Variants in LAMC2 observed in about 807,000 individuals in gnomAD.
LAMC2 encodes laminin subunit gamma-2.
A neutral mutation model predicts 140.2 loss-of-function variants in LAMC2; 97 were observed. The ratio of observed to expected loss-of-function variants is 0.69; its 90% CI spans 0.59 to 0.82. The LOEUF (loss-of-function observed/expected upper bound fraction) is 0.82, where lower values mean the gene tolerates loss of function less well. Among genes scored for constraint, LAMC2 ranks in the 40% least tolerant of loss-of-function variants. The pLI is 0.00. For missense variants in LAMC2, 1,402 were observed against 1,476.1 expected (o/e 0.95, Z 0.82); for synonymous variants, 513 against 540.2 (o/e 0.95, Z 0.70).
At chr1:183,254,342 G>A in the LAMC2 span, among the ~76,000 whole-genome samples, 5 of 152,188 alleles carry the variant, frequency 3.3e-5, no homozygotes, top group Non-Finnish European at 7.4e-5. Context: ...GATTAGTAAT[G>A]TTGCGCATCT....
At chr1:183,254,202 C>CA in the LAMC2 span, among the ~76,000 whole-genome samples, 1 of 152,104 alleles carries the variant, frequency 6.6e-6, no homozygotes, top group Non-Finnish European at 1.5e-5. Flanking sequence ...ACATTCCCAC[C>CA]AACAGTGTAC....
chr1:183,189,028 G>A (rs1333124654), intron 1 of LAMC2, among the ~76,000 whole-genome samples: 1 of 152,158 alleles, frequency 6.6e-6, no homozygotes, highest in African/African-American at 2.4e-5. Context: ...AGAATGAAGT[G>A]GAGCTAGGGA....
chr1:183,222,101 G>A lies in LAMC2; in HGVS notation c.653G>A (p.Trp218Ter), dbSNP rs56199814. The change falls in exon 6 of 23, where the codon TGG (tryptophan) becomes TAG (stop). Residue 218 changes from tryptophan (W) to a stop codon, truncating the protein, a stop_gained. Transcript: ENST00000264144. LOFTEE classifies it high-confidence loss of function. ...TSTFHQDVDG[W>*]KAVQRNGSPA... is the part of the protein sequence containing the mutation. Reference sequence around the variant, plus strand: ...GTTTGTGTTCCAGATGTTGATGGCTGGAAGGCTGTCCAACGAAATGGGTCT... The same window carrying A: ...GTTTGTGTTCCAGATGTTGATGGCTAGAAGGCTGTCCAACGAAATGGGTCT... 2 of 1,614,158 alleles carry A rather than the reference G, an allele frequency of 1.2e-6. No individual in the cohort carries two copies. The highest frequency in any genetic ancestry group is 2.2e-5 in the East Asian group (1 of 44,880).
rs540857812 is a variant in LAMC2, at chr1:183,223,057, G to A, written c.764-78G>A. On this transcript the variant is annotated intron_variant, in intron 6 of 22. Transcript: ENST00000264144. ...ACACAGGACTTCAACAGAAATTGCC[G>A]ACACCAGTGCAAACTTGCATGTGTT... 12 of 1,368,494 alleles carry A rather than the reference G, an allele frequency of 8.8e-6. No individual in the cohort carries two copies. In the African/African-American group the frequency reaches 1.0e-4, roughly 11 times the overall value. The allele number at this position is 1,368,494 out of a possible 1,614,324, so 84.8% of individuals were successfully genotyped here. A position where few individuals can be genotyped will look rare whatever the true frequency, so the allele number is the denominator to read the frequency against.
chr1:183,205,554 T>C (rs1571509602), intron 1 of LAMC2, among the ~76,000 whole-genome samples: 1 of 152,156 alleles, frequency 6.6e-6, no homozygotes, highest in East Asian at 1.9e-4. Context: ...TGAAGAAGGA[T>C]ACTGGAAATT....
At chr1:183,239,991 G>T in intron 20 of LAMC2, 49 bp from the exon 21 acceptor site, 3 of 1,607,594 alleles carry the variant, frequency 1.9e-6, no homozygotes, top group Non-Finnish European at 2.6e-6. Flanking sequence ...ATGTTTTTGT[G>T]CCTCACCCCT....
intron 1 of LAMC2, among the ~76,000 whole-genome samples, chr1:183,202,854 A>G (rs1469691479): frequency 2.6e-5 from 4 of 152,140 alleles, no homozygotes; most frequent in Admixed American, 6.5e-5. Flanking sequence ...TTTGTTTGCT[A>G]CTGTATGCAT....
At chr1:183,211,667 T>G (rs577164577) in intron 2 of LAMC2, among the ~76,000 whole-genome samples, 170 of 152,088 alleles carry the variant, frequency 1.1e-3, no homozygotes, top group African/African-American at 3.6e-3. Flanking sequence ...TGTTCCACCA[T>G]GCCTGACTAA....
At chr1:183,235,513 G>A in intron 15 of LAMC2, 62 bp from the exon 16 acceptor site, 2 of 1,594,880 alleles carry the variant, frequency 1.3e-6, no homozygotes, top group Non-Finnish European at 1.7e-6. Context: ...TCGTGTAACT[G>A]AACAACCTAA....
intron 13 of LAMC2, 78 bp from the exon 14 acceptor site, chr1:183,232,574 A>G: frequency 7.5e-7 from 1 of 1,332,120 alleles, no homozygotes; most frequent in East Asian, 2.3e-5. Flanking sequence ...ACCATAAGCC[A>G]GTCAACCCTC....
At chr1:183,215,743 C>T (rs943739807) in intron 3 of LAMC2, among the ~76,000 whole-genome samples, 155 bp downstream of exon 3, 1 of 152,164 alleles carries the variant, frequency 6.6e-6, no homozygotes, top group Non-Finnish European at 1.5e-5. Flanking sequence ...CTCACAATAC[C>T]CCTAAGAGGT....
At chr1:183,219,452 C>T (rs1283115786) in intron 4 of LAMC2, among the ~76,000 whole-genome samples, 3 of 152,220 alleles carry the variant, frequency 2.0e-5, no homozygotes, top group East Asian at 1.9e-4. Flanking sequence ...GCTAAAACTG[C>T]GTCCCAGTGA....
chr1:183,213,376 T>C (rs993499207), intron 2 of LAMC2, among the ~76,000 whole-genome samples: 2 of 152,242 alleles, frequency 1.3e-5, no homozygotes, highest in African/African-American at 4.8e-5. Flanking sequence ...ACAGAACCGA[T>C]ATCTTTATCG....
chr1:183,234,395 G>T lies in LAMC2; in HGVS notation c.2249G>T (p.Gly750Val), dbSNP rs768579893. The T allele has an allele frequency of 1.2e-6, 2 of 1,614,068 alleles. No individual in the cohort carries two copies. The highest frequency in any genetic ancestry group is 2.2e-5 in the South Asian group (2 of 91,074). ...TNIPASDHYV[G>V]PNGFKSLAQE... ...ATTCCTGCCTCAGACCACTACGTGG[G>T]GCCAAATGGCTTTAAAAGTCTGGCT... is the stretch of plus-strand genomic sequence containing the variant. The change falls in exon 15 of 23, where the codon GGG becomes GTG. Residue 750 changes from glycine to valine, a missense_variant. Physicochemically the swap from Gly to Val is moderately radical, Grantham distance 109. Transcript: ENST00000264144.
chr1:183,227,390 C>T (rs1180149788), intron 9 of LAMC2, 125 bp from the exon 10 acceptor site: 2 of 951,948 alleles, frequency 2.1e-6, no homozygotes, highest in African/African-American at 3.2e-5. Flanking sequence ...TGCCAGTGCT[C>T]AGGCACTTTG....
At chr1:183,237,840 T>C (rs1007744854) in intron 18 of LAMC2, among the ~76,000 whole-genome samples, 1 of 152,188 alleles carries the variant, frequency 6.6e-6, no homozygotes, top group Non-Finnish European at 1.5e-5. Context: ...GAGCCATGAT[T>C]ACACCACTGT....
At position 183,186,451 on chromosome 1, in the gene LAMC2, G is replaced by A. The variant is rs1302043033; in HGVS notation, c.79+20G>A. The A allele has an allele frequency of 6.2e-7, 1 of 1,601,140 alleles. No homozygotes were observed. Among genetic ancestry groups the A allele is most frequent in the South Asian group, 1.1e-5 (1 of 90,908 alleles). On this transcript the variant is annotated intron_variant, in intron 1 of 22. Coordinates refer to ENST00000264144, the MANE Select transcript of LAMC2 (RefSeq NM_005562.3). ...GGGAAGGTGAGTCGGCTTCCACAAG[G>A]AAACATCTCAGCCCTGGGCTGAGAA... is the stretch of plus-strand genomic sequence containing the variant.
chr1:183,232,160 G>A (rs763941219), intron 12 of LAMC2, 27 bp from the exon 13 acceptor site: 40 of 1,612,664 alleles, frequency 2.5e-5, no homozygotes, highest in East Asian at 1.1e-4. Context: ...CTCCACCCTC[G>A]TTCTGATCTT....
Position 183,239,972 on chromosome 1 carries a change from G to A in LAMC2, c.3070-68G>A, listed in dbSNP as rs1042866103. ...CTGCCGCTGTATTTTTTCTATGGTT[G>A]TCTTTGGGATGTTTTTGTGCCTCAC... On this transcript the variant is annotated intron_variant, in intron 20 of 22. Coordinates refer to ENST00000264144, the MANE Select transcript of LAMC2 (RefSeq NM_005562.3). The A allele has an allele frequency of 2.1e-5, 33 of 1,563,104 alleles. 1 individual carries two copies. The South Asian group carries it at 3.4e-4, about 16-fold the overall frequency.
Sources: gnomAD v4.1 joint callset for allele counts (sites outside exome capture counted in the v4.1 genomes callset) on GRCh38, gnomAD v4.1.1 for gene constraint, MANE v1.5 for transcripts, NCBI Gene and HGNC (gene_info 2026-07-23, HGNC 2026-07-21) for gene names.